The following COLEC12 variants were observed in gnomAD, a reference collection of about 807,000 sequenced individuals.
The protein encoded by COLEC12 is collectin subfamily member 12.
A neutral mutation model predicts 71.1 loss-of-function variants in COLEC12; 33 were observed. That is an observed-to-expected ratio of 0.46 (90% CI 0.35 to 0.62). The LOEUF (loss-of-function observed/expected upper bound fraction) is 0.62. COLEC12 is among the 20% of genes least tolerant of loss of function. The pLI is 0.00. For missense variants in COLEC12, 765 were observed against 916.1 expected (o/e 0.84, Z 2.13); for synonymous variants, 350 against 353.0 (o/e 0.99, Z 0.10).
At chr18:400,180 C>G (rs1915654263) in intron 2 of COLEC12, among the ~76,000 whole-genome samples, 3 of 152,088 alleles carry the variant, frequency 2.0e-5, no homozygotes, top group Admixed American at 1.3e-4. Context: ...AAATTCTAAT[C>G]TGGATAATCT....
At position 327,550 on chromosome 18, in the gene COLEC12, T is replaced by TC. The variant is rs1385965956; in HGVS notation, c.2063+4117dup. Among the ~76,000 whole-genome samples, 2 of 152,226 alleles carry TC rather than the reference T, an allele frequency of 1.3e-5. No homozygotes were observed. Among genetic ancestry groups the TC allele is most frequent in the Non-Finnish European group, 2.9e-5 (2 of 68,036 alleles). On this transcript the variant is annotated intron_variant, in intron 8 of 9. Transcript: ENST00000400256. The surrounding 1 kb of genome is among the most constrained non-coding windows in gnomAD (Gnocchi z 4.0). ...AATAAGCCTGAGCTCAATCTGTGTG[T>TC]CCCCTAAGCCTTTGGCTTCTGTTCC...
chr18:321,733 T>C lies in COLEC12; in HGVS notation c.2138A>G (p.Tyr713Cys), dbSNP rs1913710362. 6.2e-7 allele frequency: 1 copy of C among 1,614,124 alleles called. No individual in the cohort carries two copies. The highest frequency in any genetic ancestry group is 8.5e-7 in the Non-Finnish European group (1 of 1,180,044). Residue 713 changes from tyrosine to cysteine, a missense_variant, in exon 9 of 10, where the codon TAT (tyrosine) becomes TGT (cysteine). Transcript: ENST00000400256. ...GPGEDCAGLIYAGQWNDFQCE... is the reference protein window; with the variant it reads ...GPGEDCAGLICAGQWNDFQCE... The stretch of plus-strand genomic sequence containing the variant: ...TTGGAAATCGTTCCACTGCCCAGCA[T>C]AAATCAACCCAGCACAGTCTTCTCC...
At chr18:495,796 T>C (rs907555566) in intron 1 of COLEC12, among the ~76,000 whole-genome samples, 5 of 152,258 alleles carry the variant, frequency 3.3e-5, no homozygotes, top group South Asian at 2.1e-4. Context: ...GGGCTAGAGA[T>C]TACACATGTG....
At chr18:439,602 T>C (rs1188886919) in intron 2 of COLEC12, among the ~76,000 whole-genome samples, 4 of 151,898 alleles carry the variant, frequency 2.6e-5, no homozygotes, top group South Asian at 2.1e-4. Context: ...TTACATATCA[T>C]AAAATTCATC....
chr18:406,753 C>T (rs1284350747), intron 2 of COLEC12, among the ~76,000 whole-genome samples: 1 of 152,212 alleles, frequency 6.6e-6, no homozygotes, highest in Non-Finnish European at 1.5e-5. Context: ...GTCCTCAGTG[C>T]TCTCCAGGAC....
chr18:393,768 C>A (rs1325230267), intron 2 of COLEC12, among the ~76,000 whole-genome samples: 1 of 152,186 alleles, frequency 6.6e-6, no homozygotes, highest in African/African-American at 2.4e-5. Context: ...CGTCTGTGCC[C>A]TTTGCTAGAT....
chr18:321,542 C>T, intron 9 of COLEC12, 120 bp downstream of exon 9: 4 of 1,023,208 alleles, frequency 3.9e-6, no homozygotes, highest in East Asian at 4.8e-5. Context: ...TAATAAATGG[C>T]ATAACCAGGG....
chr18:335,333 T>G, intron 5 of COLEC12, 103 bp from the exon 6 acceptor site: 1 of 1,255,820 alleles, frequency 8.0e-7, no homozygotes, highest in Non-Finnish European at 1.1e-6. Context: ...AAACCTAGCA[T>G]ACAAAGTATA....
chr18:326,031 GTTC>G (rs1913834590), intron 8 of COLEC12, among the ~76,000 whole-genome samples: 3 of 152,024 alleles, frequency 2.0e-5, no homozygotes, highest in Non-Finnish European at 2.9e-5. Flanking sequence ...GGATTAATTT[GTTC>G]TTCTTTTTCT....
At chr18:397,325 T>C (rs1022538215) in intron 2 of COLEC12, among the ~76,000 whole-genome samples, 6 of 152,148 alleles carry the variant, frequency 3.9e-5, no homozygotes, top group African/African-American at 1.4e-4. Context: ...CACCCCATGC[T>C]CTATTTTATT....
chr18:485,630 T>C (rs1433078988), intron 1 of COLEC12, among the ~76,000 whole-genome samples: 2 of 152,244 alleles, frequency 1.3e-5, no homozygotes, highest in Admixed American at 1.3e-4. Context: ...GGGCCAGAGA[T>C]TTTATGACAG....
intron 3 of COLEC12, among the ~76,000 whole-genome samples, chr18:350,143 A>G (rs775748284): frequency 1.3e-5 from 2 of 152,140 alleles, no homozygotes; most frequent in Non-Finnish European, 1.5e-5. Context: ...ATCTTGAATT[A>G]TATCTCCCAG....
At chr18:405,704 A>G (rs771412967) in intron 2 of COLEC12, among the ~76,000 whole-genome samples, 6 of 152,122 alleles carry the variant, frequency 3.9e-5, no homozygotes, top group Non-Finnish European at 8.8e-5. Context: ...CAAATAAGTT[A>G]TAGGTATGCA....
chr18:438,802 CA>C (rs55912485), intron 2 of COLEC12, among the ~76,000 whole-genome samples: 2,268 of 132,652 alleles, frequency 0.017, 13 homozygotes, highest in South Asian at 0.035. Context: ...GACCTTGTCT[CA>C]AAAAAAAAAA....
At chr18:358,075 C>T (rs1323696615) in intron 2 of COLEC12, among the ~76,000 whole-genome samples, 3 of 152,214 alleles carry the variant, frequency 2.0e-5, no homozygotes, top group Admixed American at 6.5e-5. Context: ...TGACTAATGC[C>T]TGATGATCTC....
chr18:465,565 T>A (rs1188060572), intron 2 of COLEC12, among the ~76,000 whole-genome samples: 3 of 152,218 alleles, frequency 2.0e-5, no homozygotes, highest in Non-Finnish European at 4.4e-5. Context: ...TGATTTCAGT[T>A]TGATTTTACA....
intron 5 of COLEC12, among the ~76,000 whole-genome samples, chr18:339,352 C>T (rs1486568507): frequency 2.6e-5 from 4 of 152,168 alleles, no homozygotes. Flanking sequence ...TCTCCCCACC[C>T]AGTCAATGTG....
At chr18:406,345 T>C (rs1915785080) in intron 2 of COLEC12, among the ~76,000 whole-genome samples, 1 of 151,576 alleles carries the variant, frequency 6.6e-6, no homozygotes, top group South Asian at 2.1e-4. Flanking sequence ...CCGTCTCTAC[T>C]AAAAATACAA....
Position 500,701 on chromosome 18 carries a change from T to C in COLEC12, c.-187A>G, listed in dbSNP as rs1917810027. ...CCGCGCTCCCGGCTCCGCGCTCTGC[T>C]GCCTCGGGGCTGCCGCGCGCGCCGC... On this transcript the variant is annotated 5_prime_UTR_variant, in exon 1 of 10. Coordinates refer to ENST00000400256, the MANE Select transcript of COLEC12 (RefSeq NM_130386.3). The surrounding 1 kb of genome is among the most constrained non-coding windows in gnomAD (Gnocchi z 5.3). 3 of 208,582 alleles carry C rather than the reference T, an allele frequency of 1.4e-5. No individual in the cohort carries two copies. The highest frequency in any genetic ancestry group is 1.5e-4 in the South Asian group (1 of 6,512). The allele number at this position is 208,582 out of a possible 1,614,324, so 12.9% of individuals were successfully genotyped here. A position where few individuals can be genotyped will look rare whatever the true frequency, so the allele number is the denominator to read the frequency against.
Sources: allele counts gnomAD v4.1 joint callset (sites outside exome capture counted in the v4.1 genomes callset), GRCh38; gene constraint gnomAD v4.1.1; non-coding constraint Gnocchi (gnomAD v3.1); transcripts MANE v1.5; gene names NCBI Gene and HGNC (gene_info 2026-07-23, HGNC 2026-07-21).